The following PAFAH1B1 variants were observed in gnomAD, a reference collection of about 807,000 sequenced individuals.
The protein encoded by PAFAH1B1 is platelet activating factor acetylhydrolase 1b regulatory subunit 1.
A neutral mutation model predicts 57.5 loss-of-function variants in PAFAH1B1; 2 were observed. The observed-to-expected ratio is 0.03, with a 90% confidence interval of 0.01 to 0.11. The LOEUF (loss-of-function observed/expected upper bound fraction) is 0.11, where lower values mean the gene tolerates loss of function less well. Among genes scored for constraint, PAFAH1B1 ranks in the 10% least tolerant of loss-of-function variants. The pLI is 1.00. For missense variants in PAFAH1B1, 257 were observed against 512.0 expected (o/e 0.50, Z 4.81); for synonymous variants, 152 against 169.6 (o/e 0.90, Z 0.81).
At chr17:2,600,484 T>TG (rs2068129322) in intron 1 of PAFAH1B1, among the ~76,000 whole-genome samples, 1 of 147,084 alleles carries the variant, frequency 6.8e-6, no homozygotes, top group South Asian at 2.2e-4. Flanking sequence ...ACAGGAGAAT[T>TG]GCTTGAACCC....
intron 1 of PAFAH1B1, among the ~76,000 whole-genome samples, chr17:2,618,348 C>G (rs184686556): frequency 1.3e-3 from 204 of 152,244 alleles, no homozygotes; most frequent in Non-Finnish European, 2.4e-3. Flanking sequence ...CACGATACTT[C>G]AAGAACATGA....
At chr17:2,644,819 A>T (rs1006481443) in intron 2 of PAFAH1B1, among the ~76,000 whole-genome samples, 1 of 152,186 alleles carries the variant, frequency 6.6e-6, no homozygotes, top group Non-Finnish European at 1.5e-5. Flanking sequence ...CTACCTTCAT[A>T]ATCAGGATAA....
At chr17:2,617,485 C>CAGG (rs2068360096) in intron 1 of PAFAH1B1, among the ~76,000 whole-genome samples, 2 of 152,174 alleles carry the variant, frequency 1.3e-5, no homozygotes, top group African/African-American at 4.8e-5. Context: ...TGAGCACAGT[C>CAGG]CATCCCTCAG....
chr17:2,593,488 C>G (rs1208663224), upstream of PAFAH1B1, among the ~76,000 whole-genome samples: 3 of 151,704 alleles, frequency 2.0e-5, no homozygotes, highest in Non-Finnish European at 4.4e-5. Context: ...GCCGCCCGCC[C>G]GCTAGAAGGC....
chr17:2,617,813 G>C (rs1397911150), intron 1 of PAFAH1B1, among the ~76,000 whole-genome samples: 2 of 150,446 alleles, frequency 1.3e-5, no homozygotes, highest in African/African-American at 2.4e-5. Context: ...CCAGCTACTC[G>C]GGAGGCTGAG....
intron 1 of PAFAH1B1, among the ~76,000 whole-genome samples, chr17:2,597,188 T>C (rs1260855645): frequency 1.3e-5 from 2 of 152,168 alleles, no homozygotes; most frequent in Admixed American, 1.3e-4. Context: ...TTGATACATG[T>C]TGGAGAATCT....
intron 9 of PAFAH1B1, 115 bp downstream of exon 9, chr17:2,676,721 C>T (rs926540185): frequency 1.4e-6 from 1 of 736,838 alleles, no homozygotes; most frequent in Non-Finnish European, 2.4e-6. Context: ...AAAATAACTT[C>T]TTTATAAAGA....
In PAFAH1B1 at chr17:2,685,147, G is replaced by T. The variant is rs2069455707; in HGVS notation, c.*3345G>T. The T allele has an allele frequency of 7.6e-6, 1 of 131,524 alleles. No homozygotes were observed. The highest frequency in any genetic ancestry group is 2.8e-5 in the African/African-American group (1 of 35,662). The allele number at this position is 131,524 out of a possible 1,614,324, so 8.1% of individuals were successfully genotyped here. On this transcript the variant is annotated 3_prime_UTR_variant, in exon 11 of 11. Transcript: ENST00000397195. ...ACATGTAAAAAACTGGTGGAAAAAG[G>T]TTTTGGATTTTTTTTCCAGTGGGGT... is the stretch of plus-strand genomic sequence containing the variant.
intron 2 of PAFAH1B1, among the ~76,000 whole-genome samples, chr17:2,647,713 G>A (rs1444128750): frequency 1.3e-5 from 2 of 152,060 alleles, no homozygotes; most frequent in African/African-American, 4.8e-5. Context: ...ATTTATAAAG[G>A]AGAGAGGGCA....
chr17:2,612,289 C>T (rs1434717141), intron 1 of PAFAH1B1, among the ~76,000 whole-genome samples: 8 of 151,458 alleles, frequency 5.3e-5, no homozygotes, highest in African/African-American at 1.7e-4. Flanking sequence ...CTGCAACCTC[C>T]GCCTCGTGGG....
At chr17:2,677,915 C>T (rs1196203911) in intron 9 of PAFAH1B1, among the ~76,000 whole-genome samples, 2 of 151,908 alleles carry the variant, frequency 1.3e-5, no homozygotes, top group African/African-American at 2.4e-5. Context: ...GTATTCTGAG[C>T]GGAGTTCAGC....
chr17:2,652,383 C>G (rs1239674739), intron 2 of PAFAH1B1, among the ~76,000 whole-genome samples: 2 of 152,230 alleles, frequency 1.3e-5, no homozygotes, highest in African/African-American at 2.4e-5. Context: ...CCACTGCACT[C>G]CAGCCTGGGC....
In PAFAH1B1 at chr17:2,652,148, A is replaced by G. The variant is rs571260131; in HGVS notation, c.33-13224A>G. ...ATTTCTAGGCCAGACACAGTGGCTCACGCCTGTAATCCCACACTTTGGGAG... is the reference window on the plus strand; with the variant it reads ...ATTTCTAGGCCAGACACAGTGGCTCGCGCCTGTAATCCCACACTTTGGGAG... On this transcript the variant is annotated intron_variant, in intron 2 of 10. Coordinates refer to ENST00000397195, the MANE Select transcript of PAFAH1B1 (RefSeq NM_000430.4). 5.0e-4 allele frequency among the ~76,000 whole-genome samples: 34 copies of G among 68,010 alleles called. No individual in the cohort carries two copies. In the East Asian group the frequency reaches 8.1e-3, roughly 16 times the overall value. The allele number at this position is 68,010 out of a possible 152,430, so 44.6% of individuals were successfully genotyped here. A position where few individuals can be genotyped will look rare whatever the true frequency, so the allele number is the denominator to read the frequency against.
At chr17:2,620,073 GC>G (rs1002886812) in intron 1 of PAFAH1B1, among the ~76,000 whole-genome samples, 8 of 152,054 alleles carry the variant, frequency 5.3e-5, no homozygotes, top group African/African-American at 1.9e-4. Context: ...CCACAAATAT[GC>G]CCCAGCCCCA....
intron 1 of PAFAH1B1, chr17:2,613,876 C>A (rs1251025061): frequency 4.8e-6 from 1 of 208,802 alleles, no homozygotes. Flanking sequence ...AGGGCACTCC[C>A]AGAAAGGGGG....
intron 1 of PAFAH1B1, among the ~76,000 whole-genome samples, chr17:2,600,103 C>T (rs184504843): frequency 2.1e-3 from 322 of 151,206 alleles, no homozygotes; most frequent in African/African-American, 7.6e-3. Context: ...CCTCAGTCTC[C>T]CGAGTAGCTG....
At chr17:2,618,954 C>CAAAAA (rs34683975) in intron 1 of PAFAH1B1, among the ~76,000 whole-genome samples, 5 of 76,256 alleles carry the variant, frequency 6.6e-5, no homozygotes, top group Non-Finnish European at 1.0e-4. Flanking sequence ...GACTCCGTCT[C>CAAAAA]AAAAAAAAAA....
chr17:2,668,617 T>C (rs576780844), intron 5 of PAFAH1B1, among the ~76,000 whole-genome samples: 51 of 152,192 alleles, frequency 3.4e-4, no homozygotes, highest in Middle Eastern at 6.8e-3. Context: ...AGTTGGAGGC[T>C]GCAGTGAGCT....
chr17:2,611,694 G>A (rs115237917), intron 1 of PAFAH1B1, among the ~76,000 whole-genome samples: 102 of 152,168 alleles, frequency 6.7e-4, no homozygotes, highest in African/African-American at 2.4e-3. Flanking sequence ...GTGAGAGTAC[G>A]TCTTTACTCT....
Sources: gnomAD v4.1 joint callset for allele counts (sites outside exome capture counted in the v4.1 genomes callset) on GRCh38, gnomAD v4.1.1 for gene constraint, MANE v1.5 for transcripts, NCBI Gene and HGNC (gene_info 2026-07-23, HGNC 2026-07-21) for gene names.